Variants in KDM4B observed in about 807,000 individuals in gnomAD.
KDM4B encodes lysine-specific demethylase 4B.
KDM4B carries 32 observed loss-of-function variants against 125.2 expected under a neutral mutation model. The ratio of observed to expected loss-of-function variants is 0.26; its 90% confidence interval spans 0.19 to 0.34. KDM4B has a LOEUF of 0.34. KDM4B is among the 10% of genes least tolerant of loss of function. The pLI is 1.00. For synonymous variants in KDM4B, 721 were observed against 677.9 expected, an observed-to-expected ratio of 1.06 and a Z score of -0.99; for missense variants, 1,190 against 1,577.7, an observed-to-expected ratio of 0.75 and a Z score of 4.16.
At chr19:5,107,402 G>A (rs548462036) in intron 9 of KDM4B, among the ~76,000 whole-genome samples, 140 of 152,336 alleles carry the variant, frequency 9.2e-4, no homozygotes, top group African/African-American at 3.3e-3. Context: ...GAATTGGAGC[G>A]GGCGGGGCCT....
intron 11 of KDM4B, 48 bp from the exon 12 acceptor site, chr19:5,131,028 A>C: frequency 2.9e-6 from 4 of 1,364,802 alleles, no homozygotes; most frequent in Non-Finnish European, 3.9e-6. Flanking sequence ...TGGGACCAGC[A>C]CTTGAGCCCG....
chr19:5,016,928 C>A (rs1248112226), intron 2 of KDM4B, among the ~76,000 whole-genome samples: 1 of 152,246 alleles, frequency 6.6e-6, no homozygotes, highest in African/African-American at 2.4e-5. Context: ...GACCTCATCC[C>A]TTCTGGCCAC....
At chr19:4,973,824 TAAAAA>T (rs66494608) in intron 1 of KDM4B, among the ~76,000 whole-genome samples, 3 of 132,364 alleles carry the variant, frequency 2.3e-5, no homozygotes, top group African/African-American at 8.4e-5. Flanking sequence ...CAAAGCATAT[TAAAAA>T]AAAAAAAAAA....
intron 4 of KDM4B, 30 bp from the exon 5 acceptor site, chr19:5,041,107 T>G: frequency 3.8e-5 from 57 of 1,509,932 alleles, no homozygotes; most frequent in Non-Finnish European, 4.7e-5. Flanking sequence ...GGCCTCACCC[T>G]GAGCTGGTTT....
intron 1 of KDM4B, among the ~76,000 whole-genome samples, chr19:5,004,336 C>A (rs924490094): frequency 1.3e-5 from 2 of 152,196 alleles, no homozygotes; most frequent in Non-Finnish European, 2.9e-5. Context: ...GGCCCTCGCT[C>A]CCTCCTCACC....
chr19:5,101,668 C>T (rs1402574270), intron 9 of KDM4B, among the ~76,000 whole-genome samples: 1 of 130,216 alleles, frequency 7.7e-6, no homozygotes, highest in Non-Finnish European at 1.6e-5. Context: ...GCTGTGGATG[C>T]AGGGGAAGGG....
intron 9 of KDM4B, among the ~76,000 whole-genome samples, chr19:5,100,065 A>ATCTC (rs2038901398): frequency 6.6e-6 from 1 of 152,256 alleles, no homozygotes; most frequent in Non-Finnish European, 1.5e-5. Flanking sequence ...CTGCTGGCAC[A>ATCTC]AAGATGCTCC....
chr19:5,111,833 A>T, intron 10 of KDM4B: 3 of 764,944 alleles, frequency 3.9e-6, no homozygotes, highest in Non-Finnish European at 7.2e-6. Context: ...ACCCTTGCAG[A>T]TGATAGACAG....
intron 1 of KDM4B, among the ~76,000 whole-genome samples, chr19:4,991,899 AGTT>A (rs1413340918): frequency 2.0e-5 from 3 of 152,120 alleles, no homozygotes; most frequent in Admixed American, 6.5e-5. Context: ...AATCTGTCGA[AGTT>A]GTTGTGTGTA....
intron 9 of KDM4B, among the ~76,000 whole-genome samples, chr19:5,085,592 T>C (rs2038464342): frequency 6.6e-6 from 1 of 152,228 alleles, no homozygotes; most frequent in Admixed American, 6.5e-5. Context: ...TCAGGCGGCG[T>C]AGCAAGTGGC....
chr19:5,110,865 G>A lies in KDM4B; in HGVS notation c.1115+47G>A, dbSNP rs1349744646. ...GCGTGACTGCCCAGCATCACGGGGG[G>A]TGGCCCTGCTGGGTGGCCCAGGCCC... On this transcript the variant is annotated intron_variant, in intron 10 of 22. Coordinates refer to ENST00000159111, the MANE Select transcript of KDM4B (RefSeq NM_015015.3). 5 of 1,474,046 alleles carry A rather than the reference G, an allele frequency of 3.4e-6. No homozygotes were observed. In the South Asian group the frequency reaches 5.1e-5, roughly 15 times the overall value. The allele number at this position is 1,474,046 out of a possible 1,614,324, so 91.3% of individuals were successfully genotyped here.
chr19:5,026,804 GA>G (rs1439302395), intron 2 of KDM4B, among the ~76,000 whole-genome samples: 3 of 152,228 alleles, frequency 2.0e-5, no homozygotes, highest in Non-Finnish European at 2.9e-5. Context: ...GGTACCAAGA[GA>G]AATTCAAACA....
intron 12 of KDM4B, 97 bp from the exon 13 acceptor site, chr19:5,131,788 ACT>A: frequency 6.7e-7 from 1 of 1,485,728 alleles, no homozygotes; most frequent in Non-Finnish European, 9.3e-7. Context: ...AGGAGAGGAG[ACT>A]CAGGCCTCAG....
intron 6 of KDM4B, among the ~76,000 whole-genome samples, chr19:5,061,337 C>G (rs2037590693): frequency 1.3e-5 from 2 of 152,198 alleles, no homozygotes; most frequent in South Asian, 4.1e-4. Context: ...ATCATTGTCA[C>G]CACTGGTTTA....
chr19:5,010,572 T>C (rs1434690844), intron 1 of KDM4B, among the ~76,000 whole-genome samples: 2 of 152,242 alleles, frequency 1.3e-5, no homozygotes, highest in Non-Finnish European at 2.9e-5. Flanking sequence ...GTTATGCTTA[T>C]TCCTTTGACA....
Position 5,047,502 on chromosome 19 carries a change from C to A in KDM4B, c.459C>A (p.Ser153Arg). The A allele has an allele frequency of 6.2e-7, 1 of 1,612,414 alleles. No individual in the cohort carries two copies. Among genetic ancestry groups the A allele is most frequent in the Non-Finnish European group, 8.5e-7 (1 of 1,179,162 alleles). ...DDDVAQWNIGSLRTILDMVER... is the reference protein window; with the variant it reads ...DDDVAQWNIGRLRTILDMVER... ...ACGTGGCCCAGTGGAACATCGGGAG[C>A]CTCCGGACCATCCTGGACATGGTGG... Residue 153 changes from serine (S) to arginine (R), a missense_variant, in exon 6 of 23, where the codon AGC becomes AGA. Physicochemically the swap from Ser to Arg is moderately radical, Grantham distance 110 (BLOSUM62 -1). This residue lies in a region of KDM4B where 139 missense variants were observed against 248.3 expected (regional missense o/e 0.56). Coordinates refer to ENST00000159111, the MANE Select transcript of KDM4B (RefSeq NM_015015.3).
chr19:5,018,667 C>T (rs368574885), intron 2 of KDM4B, among the ~76,000 whole-genome samples: 11 of 152,220 alleles, frequency 7.2e-5, no homozygotes, highest in African/African-American at 1.9e-4. Context: ...CCACTCATTC[C>T]GGAGCATCTC....
chr19:5,097,545 G>C (rs967378218), intron 9 of KDM4B, among the ~76,000 whole-genome samples: 1 of 152,216 alleles, frequency 6.6e-6, no homozygotes, highest in African/African-American at 2.4e-5. Flanking sequence ...GAGCCGCCGC[G>C]CCTGGCCTGT....
chr19:5,032,810 C>T (rs774154208), intron 2 of KDM4B, 56 bp from the exon 3 acceptor site: 3 of 1,518,364 alleles, frequency 2.0e-6, no homozygotes, highest in African/African-American at 1.4e-5. Flanking sequence ...AGGACGGGCT[C>T]CAAGGGCTGG....
Sources: allele counts gnomAD v4.1 joint callset (sites outside exome capture counted in the v4.1 genomes callset), GRCh38; gene constraint gnomAD v4.1.1; regional missense constraint gnomAD v4.1.1; transcripts MANE v1.5; gene names NCBI Gene and HGNC (gene_info 2026-07-23, HGNC 2026-07-21).